The following PCDH15 variants were observed in gnomAD, a reference collection of about 807,000 sequenced individuals.
PCDH15 encodes protocadherin related 15.
In PCDH15, 129 loss-of-function variants were observed where a neutral mutation model predicts 178.5. The ratio of observed to expected loss-of-function variants is 0.72; its 90% CI spans 0.63 to 0.84. PCDH15 has a LOEUF of 0.84. Ranked by LOEUF, PCDH15 falls within the 40% of genes least tolerant of loss-of-function variation. The pLI, the probability that PCDH15 is intolerant of heterozygous loss-of-function variation, is 0.00. For missense variants in PCDH15, 2,230 were observed against 2,099.9 expected, an observed-to-expected ratio of 1.06 and a Z score of -1.21; for synonymous variants, 800 against 732.0, an observed-to-expected ratio of 1.09 and a Z score of -1.50.
intron 19 of PCDH15, among the ~76,000 whole-genome samples, chr10:54,022,228 G>T (rs2092944590): frequency 6.6e-6 from 1 of 151,830 alleles, no homozygotes; most frequent in Non-Finnish European, 1.5e-5. Context: ...GAATCAAAAT[G>T]TTCAGGACTG....
At chr10:54,241,142 G>A (rs1418450456) in intron 8 of PCDH15, among the ~76,000 whole-genome samples, 1 of 152,154 alleles carries the variant, frequency 6.6e-6, no homozygotes, top group East Asian at 1.9e-4. Context: ...TAGTCCATCT[G>A]TGGCTACTGC....
intron 2 of PCDH15, among the ~76,000 whole-genome samples, chr10:55,590,928 G>A (rs1051790074): frequency 1.4e-4 from 21 of 151,990 alleles, no homozygotes; most frequent in African/African-American, 4.8e-4. Flanking sequence ...CAATGTTAAT[G>A]TTAGCCAAAA....
intron 2 of PCDH15, chr10:54,585,592 A>G: frequency 5.0e-6 from 1 of 198,306 alleles, no homozygotes. Flanking sequence ...CATTGGCATC[A>G]TCAGTCCTCC....
intron 2 of PCDH15, among the ~76,000 whole-genome samples, chr10:54,962,673 C>T (rs1036759898): frequency 5.3e-5 from 8 of 152,216 alleles, no homozygotes; most frequent in African/African-American, 1.9e-4. Flanking sequence ...GCTCCTGGAG[C>T]TGCCTGCCTT....
At chr10:54,756,642 A>G (rs759793299) in intron 1 of PCDH15, among the ~76,000 whole-genome samples, 15 of 152,160 alleles carry the variant, frequency 9.9e-5, no homozygotes, top group Non-Finnish European at 7.4e-5. Flanking sequence ...AAACTAGGAT[A>G]TGCTAAACAA....
At chr10:54,985,172 A>G (rs902667339) in intron 2 of PCDH15, among the ~76,000 whole-genome samples, 4 of 152,174 alleles carry the variant, frequency 2.6e-5, no homozygotes. Context: ...TTAATGTTTA[A>G]CATTAGATTT....
intron 3 of PCDH15, among the ~76,000 whole-genome samples, chr10:54,520,657 G>A (rs1012988049): frequency 4.6e-5 from 7 of 151,760 alleles, no homozygotes; most frequent in South Asian, 4.2e-4. Flanking sequence ...TCAGTGTGGC[G>A]ATTCCTCAGG....
At position 55,455,077 on chromosome 10, in the gene PCDH15, C is replaced by T. The variant is rs77428145; in HGVS notation, c.-156+172548G>A. 5.7e-4 allele frequency among the ~76,000 whole-genome samples: 86 copies of T among 152,012 alleles called. 1 individual carries two copies. In the East Asian group the frequency reaches 0.015, roughly 26 times the overall value. ...TGCCCTCAGTTAATGTTGTGTGTTG[C>T]GTGGTATATTATAGTAAAAGTACAA... On this transcript the variant is annotated intron_variant, in intron 2 of 5. Transcript: ENST00000613346.
intron 2 of PCDH15, among the ~76,000 whole-genome samples, chr10:55,407,789 C>A (rs567386998): frequency 6.6e-6 from 1 of 152,260 alleles, no homozygotes; most frequent in South Asian, 2.1e-4. Context: ...TCCTAAATTT[C>A]TGGAAAAGTA....
At chr10:54,767,716 A>G (rs751441122) in intron 1 of PCDH15, among the ~76,000 whole-genome samples, 3 of 152,164 alleles carry the variant, frequency 2.0e-5, no homozygotes, top group Non-Finnish European at 4.4e-5. Context: ...CACTAGTCTT[A>G]TCAATAGGAA....
chr10:54,976,318 C>A (rs1839069318), intron 2 of PCDH15, among the ~76,000 whole-genome samples: 1 of 152,078 alleles, frequency 6.6e-6, no homozygotes, highest in South Asian at 2.1e-4. Context: ...CAGACAAAAC[C>A]AATTCACTGA....
At chr10:54,322,385 T>A (rs2061668984) in intron 7 of PCDH15, among the ~76,000 whole-genome samples, 1 of 151,918 alleles carries the variant, frequency 6.6e-6, no homozygotes, top group Non-Finnish European at 1.5e-5. Flanking sequence ...TTAACTTCAA[T>A]TATTTAAAAA....
chr10:54,421,660 G>GTA (rs1341426935), intron 3 of PCDH15, among the ~76,000 whole-genome samples: 2 of 84,076 alleles, frequency 2.4e-5, no homozygotes, highest in African/African-American at 1.0e-4. Context: ...TACATGTGTA[G>GTA]TGTATATATA....
At chr10:54,991,129 G>C (rs1839488636) in intron 2 of PCDH15, among the ~76,000 whole-genome samples, 1 of 152,112 alleles carries the variant, frequency 6.6e-6, no homozygotes, top group African/African-American at 2.4e-5. Context: ...ATACTTTGTA[G>C]TGAATGCATG....
intron 14 of PCDH15, among the ~76,000 whole-genome samples, chr10:54,141,778 A>T (rs1037014873): frequency 2.0e-5 from 3 of 152,188 alleles, no homozygotes; most frequent in Non-Finnish European, 1.5e-5. Flanking sequence ...CAAAATATGC[A>T]CAAGTGTTGC....
intron 23 of PCDH15, among the ~76,000 whole-genome samples, chr10:53,947,348 G>A (rs1055254759): frequency 6.6e-6 from 1 of 152,026 alleles, no homozygotes; most frequent in African/African-American, 2.4e-5. Context: ...TAAAAGCCAG[G>A]CAATTTAGGA....
intron 2 of PCDH15, among the ~76,000 whole-genome samples, chr10:55,361,178 A>T (rs1382205053): frequency 6.6e-6 from 1 of 152,008 alleles, no homozygotes. Flanking sequence ...AACAGTGGTT[A>T]TCCTTGGTGG....
chr10:54,059,981 C>A (rs1002501079), intron 18 of PCDH15, among the ~76,000 whole-genome samples: 3 of 152,174 alleles, frequency 2.0e-5, no homozygotes, highest in Non-Finnish European at 4.4e-5. Flanking sequence ...CTCCACATAT[C>A]CCACTAGCTG....
intron 8 of PCDH15, among the ~76,000 whole-genome samples, chr10:54,308,900 T>C (rs1211120101): frequency 6.6e-6 from 1 of 152,042 alleles, no homozygotes; most frequent in Admixed American, 6.6e-5. Flanking sequence ...CGATTGTTGA[T>C]GGGAAGAACA....
Sources: gnomAD v4.1 joint callset for allele counts (sites outside exome capture counted in the v4.1 genomes callset) on GRCh38, gnomAD v4.1.1 for gene constraint, MANE v1.5 for transcripts, NCBI Gene and HGNC (gene_info 2026-07-23, HGNC 2026-07-21) for gene names.